Variants in USP3 observed in about 807,000 individuals in gnomAD.
USP3 encodes the protein ubiquitin specific peptidase 3.
In USP3, 20 loss-of-function variants were observed where a neutral mutation model predicts 72.3. The ratio of observed to expected loss-of-function variants is 0.28; its 90% CI spans 0.19 to 0.40. The LOEUF (loss-of-function observed/expected upper bound fraction) is 0.40. Among genes scored for constraint, USP3 ranks in the 10% least tolerant of loss-of-function variants. USP3 has a pLI of 1.00. For synonymous variants in USP3, 222 were observed against 225.3 expected (o/e 0.99, Z 0.13); for missense variants, 479 against 633.9 (o/e 0.76, Z 2.62).
chr15:63,558,522 G>A (rs540724400), intron 6 of USP3, among the ~76,000 whole-genome samples: 34 of 151,978 alleles, frequency 2.2e-4, no homozygotes, highest in Non-Finnish European at 4.0e-4. Context: ...AAACATTTTA[G>A]TATTTCAGGC....
intron 11 of USP3, among the ~76,000 whole-genome samples, chr15:63,582,199 G>A: frequency 6.6e-6 from 1 of 152,188 alleles, no homozygotes; most frequent in African/African-American, 2.4e-5. Flanking sequence ...ACTCTGGGAG[G>A]CTAAGGATTA....
chr15:63,543,533 A>G (rs1231802983), intron 3 of USP3, among the ~76,000 whole-genome samples: 1 of 152,262 alleles, frequency 6.6e-6, no homozygotes, highest in African/African-American at 2.4e-5. Flanking sequence ...AGTTACACAC[A>G]GACTCCTAAA....
At chr15:63,563,611 G>A (rs1348924467) in intron 8 of USP3, among the ~76,000 whole-genome samples, 2 of 152,296 alleles carry the variant, frequency 1.3e-5, no homozygotes, top group African/African-American at 4.8e-5. Flanking sequence ...TCGTAGGTCT[G>A]TCATCCCTGT....
intron 1 of USP3, among the ~76,000 whole-genome samples, chr15:63,516,819 G>T (rs2152650584): frequency 2.0e-5 from 3 of 151,316 alleles, no homozygotes; most frequent in Admixed American, 2.0e-4. Context: ...AGGAAGTGAA[G>T]GGATTTTTTT....
chr15:63,504,875 G>A (rs1358373149), intron 1 of USP3, 45 bp downstream of exon 1: 1 of 1,477,972 alleles, frequency 6.8e-7, no homozygotes, highest in East Asian at 2.9e-5. Flanking sequence ...CCGAGGCCGC[G>A]GCTCTGCCGG....
chr15:63,590,444 G>A (rs2067173851), intron 14 of USP3, among the ~76,000 whole-genome samples: 1 of 152,148 alleles, frequency 6.6e-6, no homozygotes, highest in South Asian at 2.1e-4. Flanking sequence ...CCTCATCTCT[G>A]TTTTCTCCAT....
At chr15:63,511,689 T>C (rs1053353929) in intron 1 of USP3, among the ~76,000 whole-genome samples, 23 of 152,320 alleles carry the variant, frequency 1.5e-4, no homozygotes, top group Middle Eastern at 3.4e-3. Context: ...TATTGAAGTC[T>C]CTCCACCCCC....
intron 11 of USP3, among the ~76,000 whole-genome samples, chr15:63,576,049 C>T (rs992141801): frequency 5.4e-5 from 8 of 148,404 alleles, no homozygotes; most frequent in East Asian, 3.9e-4. Context: ...TGCAGTGGCG[C>T]GATCTTGGCT....
chr15:63,511,792 A>G (rs560128127), intron 1 of USP3, among the ~76,000 whole-genome samples: 6 of 152,034 alleles, frequency 3.9e-5, no homozygotes, highest in African/African-American at 1.4e-4. Context: ...AAGGTATAGA[A>G]TTTTGCATTT....
chr15:63,575,462 A>T (rs1220739990), intron 11 of USP3, among the ~76,000 whole-genome samples: 3 of 152,226 alleles, frequency 2.0e-5, no homozygotes, highest in African/African-American at 7.2e-5. Flanking sequence ...CAGAGGTCTC[A>T]GACACTTGTA....
Position 63,553,315 on chromosome 15 carries a change from C to G in USP3, c.285-400C>G, listed in dbSNP as rs543998958. ...CTTTTCACTTAAATCTCTCCTTCCCCCAATTCCCCATTAATTTGGGTTGGG... is the reference window on the plus strand; with the variant it reads ...CTTTTCACTTAAATCTCTCCTTCCCGCAATTCCCCATTAATTTGGGTTGGG... On this transcript the variant is annotated intron_variant, in intron 3 of 14. Transcript: ENST00000380324. This position sits in a 1 kb window ranked among gnomAD's most constrained non-coding sequence, Gnocchi z 4.2. The G allele has an allele frequency of 6.5e-6, 1 of 153,768 alleles. No individual in the cohort carries two copies. The allele number at this position is 153,768 out of a possible 1,614,324, so 9.5% of individuals were successfully genotyped here. A position where few individuals can be genotyped will look rare whatever the true frequency, so the allele number is the denominator to read the frequency against.
rs2067238750 is a variant in USP3, at chr15:63,593,387, C to T, written c.*2561C>T. Reference sequence around the variant, plus strand: ...CTTAGAAGGTAGACAGCTGTAACCTCTAACATTGATACTTCGATCTTCAGT... The same window carrying T: ...CTTAGAAGGTAGACAGCTGTAACCTTTAACATTGATACTTCGATCTTCAGT... On this transcript the variant is annotated 3_prime_UTR_variant, in exon 15 of 15. Transcript: ENST00000380324. The T allele has an allele frequency of 6.6e-6, 1 of 152,188 alleles. No individual in the cohort carries two copies. Among genetic ancestry groups the T allele is most frequent in the Admixed American group, 6.5e-5 (1 of 15,284 alleles). The allele number at this position is 152,188 out of a possible 1,614,324, so 9.4% of individuals were successfully genotyped here. A position where few individuals can be genotyped will look rare whatever the true frequency, so the allele number is the denominator to read the frequency against.
intron 7 of USP3, among the ~76,000 whole-genome samples, chr15:63,561,768 A>C (rs1207839231): frequency 1.3e-5 from 2 of 152,240 alleles, no homozygotes; most frequent in African/African-American, 4.8e-5. Context: ...GGGTTCAAGT[A>C]CTAGGAAGTC....
At chr15:63,530,128 C>A (rs2066045751) in intron 1 of USP3, among the ~76,000 whole-genome samples, 2 of 152,060 alleles carry the variant, frequency 1.3e-5, no homozygotes, top group South Asian at 4.1e-4. Context: ...CAGAGTGAGA[C>A]CCTTTCTCAA....
At chr15:63,564,234 TA>T (rs2152674885) in intron 8 of USP3, among the ~76,000 whole-genome samples, 1 of 152,226 alleles carries the variant, frequency 6.6e-6, no homozygotes, top group East Asian at 1.9e-4. Flanking sequence ...TGGTCTTCAT[TA>T]AAAAACAAGC....
chr15:63,538,370 C>T (rs979473242), intron 3 of USP3, among the ~76,000 whole-genome samples: 1 of 152,082 alleles, frequency 6.6e-6, no homozygotes, highest in Non-Finnish European at 1.5e-5. Flanking sequence ...TTGAATGTTA[C>T]ATGAAGGCAT....
chr15:63,528,239 G>C lies in USP3; in HGVS notation c.92-4408G>C, dbSNP rs972070212. On this transcript the variant is annotated intron_variant, in intron 1 of 14. Coordinates refer to ENST00000380324, the MANE Select transcript of USP3 (RefSeq NM_006537.4). The surrounding 1 kb of genome is among the most constrained non-coding windows in gnomAD (Gnocchi z 4.3). ...ATTTGCTGGAGGACGGGGTATCTTG[G>C]TTTGAGGAAATTTTACAATCTGAGT... 2.6e-5 allele frequency: 4 copies of C among 152,214 alleles called. No homozygotes were observed. Among genetic ancestry groups the C allele is most frequent in the African/African-American group, 4.8e-5 (2 of 41,446 alleles). The allele number at this position is 152,214 out of a possible 1,614,324, so 9.4% of individuals were successfully genotyped here.
intron 4 of USP3, among the ~76,000 whole-genome samples, chr15:63,555,331 G>A (rs1182720570): frequency 6.6e-6 from 1 of 152,144 alleles, no homozygotes; most frequent in Non-Finnish European, 1.5e-5. Context: ...CGACTATTCC[G>A]CATGCCCCGT....
In USP3 at chr15:63,590,467, ATCTGCTTTGTGTTCTAGC is replaced by A. The variant is rs560519330; in HGVS notation, c.1398-193_1398-176del. On this transcript the variant is annotated intron_variant, in intron 14 of 14. Coordinates refer to ENST00000380324, the MANE Select transcript of USP3 (RefSeq NM_006537.4). ...CTGTTTTCTCCATTAGTCCAGGGCC[ATCTGCTTTGTGTTCTAGC>A]AAACCCTCGATTTCTGGTCAGTTTG... is the stretch of plus-strand genomic sequence containing the variant. Among the ~76,000 whole-genome samples the A allele has an allele frequency of 2.2e-3, 330 of 152,332 alleles. 2 individuals carry two copies. The highest frequency in any genetic ancestry group is 0.02 in the Middle Eastern group (6 of 294).
Sources: allele counts gnomAD v4.1 joint callset (sites outside exome capture counted in the v4.1 genomes callset), GRCh38; gene constraint gnomAD v4.1.1; non-coding constraint Gnocchi (gnomAD v3.1); transcripts MANE v1.5; gene names NCBI Gene and HGNC (gene_info 2026-07-23, HGNC 2026-07-21).